Variants in ZFYVE28 observed in about 807,000 individuals in gnomAD.
ZFYVE28 encodes lateral signaling target protein 2 homolog.
In ZFYVE28, 40 loss-of-function variants were observed where a neutral mutation model predicts 82.1. The observed-to-expected ratio is 0.49, with a 90% confidence interval of 0.38 to 0.63. The LOEUF (loss-of-function observed/expected upper bound fraction) is 0.63. ZFYVE28 is among the 30% of genes least tolerant of loss of function. The pLI, the probability that ZFYVE28 is intolerant of heterozygous loss-of-function variation, is 0.00. For missense variants in ZFYVE28, 1,321 were observed against 1,242.1 expected (o/e 1.06, Z -0.96); for synonymous variants, 612 against 546.1 (o/e 1.12, Z -1.68).
chr4:2,303,576 C>A (rs530044275), intron 8 of ZFYVE28, among the ~76,000 whole-genome samples: 3 of 152,266 alleles, frequency 2.0e-5, no homozygotes, highest in South Asian at 4.2e-4. Context: ...GACAACGCAG[C>A]CATGAGTGAC....
At chr4:2,301,758 C>T (rs1041332131) in intron 8 of ZFYVE28, among the ~76,000 whole-genome samples, 1 of 152,144 alleles carries the variant, frequency 6.6e-6, no homozygotes, top group South Asian at 2.1e-4. Flanking sequence ...ATGTCAAACT[C>T]GGAGAAAAAC....
At chr4:2,390,883 A>T (rs983130437) in intron 1 of ZFYVE28, among the ~76,000 whole-genome samples, 1 of 152,214 alleles carries the variant, frequency 6.6e-6, no homozygotes, top group Non-Finnish European at 1.5e-5. Context: ...TGGTCCTGGG[A>T]TGCCCCGGTT....
Position 2,418,137 on chromosome 4 carries a change from C to T in ZFYVE28, c.39+148G>A. 1 of 637,546 alleles carries T rather than the reference C, an allele frequency of 1.6e-6. No individual in the cohort carries two copies. The highest frequency in any genetic ancestry group is 2.4e-6 in the Non-Finnish European group (1 of 413,714). 39.5% of individuals were successfully genotyped at this position (637,546 alleles called of 1,614,324 possible). A position where few individuals can be genotyped will look rare whatever the true frequency, so the allele number is the denominator to read the frequency against. On this transcript the variant is annotated intron_variant, in intron 1 of 12. Coordinates refer to ENST00000290974, the MANE Select transcript of ZFYVE28 (RefSeq NM_020972.3). This position sits in a 1 kb window ranked among gnomAD's most constrained non-coding sequence, Gnocchi z 4.6. ...CAGGGCGATGAAGATCTGTCCAAGT[C>T]TTGGAGTGGAGGGAAGGATGTCGGC...
At position 2,417,827 on chromosome 4, in the gene ZFYVE28, G is replaced by A. The variant is rs1449931926; in HGVS notation, c.39+458C>T. ...GAGTGCGGAGGGAGATCTATTCCGG[G>A]CCCAGGACAATGGGGGTGGGGGCAG... On this transcript the variant is annotated intron_variant, in intron 1 of 12. Coordinates refer to ENST00000290974, the MANE Select transcript of ZFYVE28 (RefSeq NM_020972.3). The surrounding 1 kb of genome is among the most constrained non-coding windows in gnomAD (Gnocchi z 4.8). 6.6e-6 allele frequency among the ~76,000 whole-genome samples: 1 copy of A among 151,346 alleles called. No individual in the cohort carries two copies. Among genetic ancestry groups the A allele is most frequent in the Non-Finnish European group, 1.5e-5 (1 of 67,878 alleles).
chr4:2,385,986 C>A (rs1729219204), intron 1 of ZFYVE28, among the ~76,000 whole-genome samples: 1 of 152,220 alleles, frequency 6.6e-6, no homozygotes. Context: ...GCAGAGCCAG[C>A]ACAGAATTTA....
chr4:2,330,880 G>A, intron 6 of ZFYVE28: 1 of 1,534,868 alleles, frequency 6.5e-7, no homozygotes, highest in Non-Finnish European at 8.7e-7. Context: ...GCACGGTGCA[G>A]GCAGATCACG....
intron 7 of ZFYVE28, among the ~76,000 whole-genome samples, chr4:2,316,041 A>T (rs1021286337): frequency 1.6e-4 from 25 of 151,928 alleles, no homozygotes; most frequent in African/African-American, 6.0e-4. Flanking sequence ...AGCTATCCTC[A>T]AGCTGACTAC....
rs138871003 is a variant in ZFYVE28 at position 2,303,436 on chromosome 4, T to C, written c.2051+853A>G. 6.2e-3 allele frequency among the ~76,000 whole-genome samples: 939 copies of C among 152,304 alleles called. 14 individuals carry two copies. The highest frequency in any genetic ancestry group is 0.022 in the African/African-American group (915 of 41,570). On this transcript the variant is annotated intron_variant, in intron 8 of 12. Coordinates refer to ENST00000290974, the MANE Select transcript of ZFYVE28 (RefSeq NM_020972.3). ...CCACGGCTCCTGGTGGGGGCTTTTC[T>C]GGTCTCCAGTTGAACCTCGTCCCCT... is the stretch of plus-strand genomic sequence containing the variant.
chr4:2,308,599 A>T (rs1490253589), intron 7 of ZFYVE28, among the ~76,000 whole-genome samples: 2 of 139,794 alleles, frequency 1.4e-5, no homozygotes, highest in East Asian at 4.3e-4. Flanking sequence ...GGAAGGAGAG[A>T]CAGAGAGAGA....
At position 2,272,016 on chromosome 4, in the gene ZFYVE28, T is replaced by C. The variant is rs190549488; in HGVS notation, c.2324-237A>G. 3.9e-3 allele frequency among the ~76,000 whole-genome samples: 588 copies of C among 152,158 alleles called. 5 individuals are homozygous for C. Among genetic ancestry groups the C allele is most frequent in the African/African-American group, 0.013 (559 of 41,502 alleles). On this transcript the variant is annotated intron_variant, in intron 10 of 12. Coordinates refer to ENST00000290974, the MANE Select transcript of ZFYVE28 (RefSeq NM_020972.3). ...TGGGGGCCCAGAAGCCTGTGGCTGC[T>C]CCCCCTGACAGGGGCATCCAGCCCT...
intron 10 of ZFYVE28, among the ~76,000 whole-genome samples, chr4:2,272,965 C>A (rs915199722): frequency 2.0e-5 from 3 of 152,228 alleles, no homozygotes; most frequent in Admixed American, 2.0e-4. Context: ...CTTCCTGGGC[C>A]TGCTGCTGTG....
At chr4:2,345,055 C>CA (rs1001193176) in intron 2 of ZFYVE28, among the ~76,000 whole-genome samples, 8 of 151,522 alleles carry the variant, frequency 5.3e-5, no homozygotes, top group African/African-American at 1.2e-4. Flanking sequence ...ACTAAAAATA[C>CA]AAAAAAAATA....
chr4:2,399,168 G>C (rs3128786), intron 1 of ZFYVE28, among the ~76,000 whole-genome samples: 33,350 of 84,222 alleles, frequency 0.4, 3,722 homozygotes, highest in Middle Eastern at 0.48. Context: ...GGGTGAGATC[G>C]AGGGCACAAG....
In ZFYVE28 at chr4:2,270,569, G is replaced by T. The variant is rs1037221779; in HGVS notation, c.*156C>A. The T allele has an allele frequency of 8.0e-6, 9 of 1,125,756 alleles. No homozygotes were observed. In the South Asian group the frequency reaches 1.2e-4, roughly 15 times the overall value. 69.7% of individuals were successfully genotyped at this position (1,125,756 alleles called of 1,614,324 possible). A position where few individuals can be genotyped will look rare whatever the true frequency, so the allele number is the denominator to read the frequency against. On this transcript the variant is annotated 3_prime_UTR_variant, in exon 13 of 13. Coordinates refer to ENST00000290974, the MANE Select transcript of ZFYVE28 (RefSeq NM_020972.3). ...CCGGGGTCCCTGCAGGGAGGCTAGC[G>T]TGGGCAGGACAGAGGCTCTGGATGC...
intron 2 of ZFYVE28, among the ~76,000 whole-genome samples, chr4:2,347,299 C>T (rs1465837772): frequency 6.6e-6 from 1 of 152,132 alleles, no homozygotes; most frequent in Non-Finnish European, 1.5e-5. Flanking sequence ...ACGACATAAA[C>T]AAATCCACAA....
chr4:2,345,812 A>C (rs1723451411), intron 2 of ZFYVE28, among the ~76,000 whole-genome samples: 1 of 152,096 alleles, frequency 6.6e-6, no homozygotes, highest in African/African-American at 2.4e-5. Context: ...GATGTGTTAC[A>C]TACAAGGAAC....
rs755916525 is a variant in ZFYVE28, at chr4:2,300,832, G to A, written c.2051+3457C>T. ...CCACTGTTCCCTCTGAACCGTCCAC[G>A]CCACAACCACAGGGGCTGCAGGGGC... On this transcript the variant is annotated intron_variant, in intron 8 of 12. Transcript: ENST00000290974. The surrounding 1 kb of genome is among the most constrained non-coding windows in gnomAD (Gnocchi z 4.6). 9.2e-5 allele frequency among the ~76,000 whole-genome samples: 14 copies of A among 152,178 alleles called. No homozygotes were observed. Among genetic ancestry groups the A allele is most frequent in the Non-Finnish European group, 1.5e-4 (10 of 68,020 alleles).
At position 2,339,694 on chromosome 4, in the gene ZFYVE28, G is replaced by C. The variant is rs950581406; in HGVS notation, c.319-39C>G. On this transcript the variant is annotated intron_variant, in intron 3 of 12. Transcript: ENST00000290974. The surrounding 1 kb of genome is among the most constrained non-coding windows in gnomAD (Gnocchi z 5.0). ...CACACTCAGGGAGGGGCCCGGGTGA[G>C]GGCCAGGCTCTCAGGGGTCGCCGAC... is the stretch of plus-strand genomic sequence containing the variant. The C allele has an allele frequency of 2.6e-6, 4 of 1,544,548 alleles. No individual in the cohort carries two copies. The East Asian group carries it at 7.1e-5, about 28-fold the overall frequency.
At chr4:2,331,071 A>G in intron 6 of ZFYVE28, 2 of 583,422 alleles carry the variant, frequency 3.4e-6, no homozygotes, top group Non-Finnish European at 4.8e-6. Context: ...GCAGGGGTAG[A>G]CGCTGGGATG....
Sources: allele counts gnomAD v4.1 joint callset (sites outside exome capture counted in the v4.1 genomes callset), GRCh38; gene constraint gnomAD v4.1.1; non-coding constraint Gnocchi (gnomAD v3.1); transcripts MANE v1.5; gene names NCBI Gene and HGNC (gene_info 2026-07-23, HGNC 2026-07-21).